The following ZNF385D variants were observed in gnomAD, a reference collection of about 807,000 sequenced individuals.
ZNF385D encodes zinc finger protein 385D.
In ZNF385D, 15 loss-of-function variants were observed where a neutral mutation model predicts 35.8. The ratio of observed to expected loss-of-function variants is 0.42; its 90% CI spans 0.28 to 0.64. The LOEUF (loss-of-function observed/expected upper bound fraction) is 0.64, where lower values mean the gene tolerates loss of function less well. ZNF385D is among the 30% of genes least tolerant of loss of function. The probability of loss-of-function intolerance (pLI) is 0.23; values close to 1 mark genes in which losing one functional copy is unlikely to be tolerated. For synonymous variants in ZNF385D, 212 were observed against 186.8 expected, an observed-to-expected ratio of 1.13 and a Z score of -1.10; for missense variants, 474 against 494.6, an observed-to-expected ratio of 0.96 and a Z score of 0.39.
chr3:21,800,870 T>A (rs1473039410), intron 3 of ZNF385D, among the ~76,000 whole-genome samples: 1 of 152,154 alleles, frequency 6.6e-6, no homozygotes, highest in South Asian at 2.1e-4. Context: ...TTTCTTTTTC[T>A]TGCCTAATTG....
intron 3 of ZNF385D, among the ~76,000 whole-genome samples, chr3:21,807,879 CAA>C (rs2072724566): frequency 6.6e-6 from 1 of 152,256 alleles, no homozygotes; most frequent in Non-Finnish European, 1.5e-5. Flanking sequence ...ACCCTAAATT[CAA>C]AGTCTGCATT....
chr3:21,709,790 C>G (rs1046926130), intron 1 of ZNF385D, among the ~76,000 whole-genome samples: 2 of 152,014 alleles, frequency 1.3e-5, no homozygotes, highest in African/African-American at 4.8e-5. Flanking sequence ...CTCAGCTGTC[C>G]CACTCCTAGG....
At chr3:21,522,064 C>T (rs1414823436) in intron 3 of ZNF385D, among the ~76,000 whole-genome samples, 2 of 152,046 alleles carry the variant, frequency 1.3e-5, no homozygotes, top group Non-Finnish European at 2.9e-5. Context: ...TAAATCAATT[C>T]GGTGCCCTGG....
intron 3 of ZNF385D, among the ~76,000 whole-genome samples, chr3:21,793,883 G>C (rs974614120): frequency 1.3e-5 from 2 of 152,134 alleles, no homozygotes; most frequent in African/African-American, 4.8e-5. Flanking sequence ...CAGATTTCTA[G>C]ACCTTCTCTT....
intron 3 of ZNF385D, among the ~76,000 whole-genome samples, chr3:21,531,134 A>T (rs536080623): frequency 6.6e-6 from 1 of 152,216 alleles, no homozygotes; most frequent in Non-Finnish European, 1.5e-5. Context: ...GGTACAGATT[A>T]TGATACTTTT....
At chr3:21,576,878 A>T (rs973050779) in intron 2 of ZNF385D, among the ~76,000 whole-genome samples, 1 of 152,178 alleles carries the variant, frequency 6.6e-6, no homozygotes. Flanking sequence ...TATTATTTTT[A>T]ATTGATACAT....
chr3:21,977,498 G>A (rs1703705816), intron 3 of ZNF385D, among the ~76,000 whole-genome samples: 1 of 151,984 alleles, frequency 6.6e-6, no homozygotes, highest in Non-Finnish European at 1.5e-5. Flanking sequence ...AAGATAGGGT[G>A]GGAACTGTGT....
chr3:21,899,255 G>A (rs1699286029), intron 3 of ZNF385D, among the ~76,000 whole-genome samples: 1 of 152,056 alleles, frequency 6.6e-6, no homozygotes, highest in Non-Finnish European at 1.5e-5. Context: ...TAGTGCCACA[G>A]TTGAGAAACC....
chr3:21,814,105 C>A (rs960468013), intron 3 of ZNF385D, among the ~76,000 whole-genome samples: 1 of 152,082 alleles, frequency 6.6e-6, no homozygotes, highest in Non-Finnish European at 1.5e-5. Context: ...AACTAAGCTT[C>A]ATAAGTGAAG....
chr3:21,427,433 A>G (rs1402174390), intron 5 of ZNF385D, among the ~76,000 whole-genome samples: 1 of 152,120 alleles, frequency 6.6e-6, no homozygotes, highest in Non-Finnish European at 1.5e-5. Flanking sequence ...ATCATCTGTG[A>G]TTGGTAGCTG....
Position 21,944,399 on chromosome 3 carries a change from T to C in ZNF385D, c.325+224418A>G, listed in dbSNP as rs183205082. ...TACCCTTTGGGCAGTCAAGCTTTCATAGGGGATGATTCAACTTTGTCCGAG... is the reference window on the plus strand; with the variant it reads ...TACCCTTTGGGCAGTCAAGCTTTCACAGGGGATGATTCAACTTTGTCCGAG... On this transcript the variant is annotated intron_variant, in intron 3 of 5. Coordinates refer to the ZNF385D transcript ENST00000494108. Among the ~76,000 whole-genome samples, 789 of 152,292 alleles carry C rather than the reference T, an allele frequency of 5.2e-3. 4 individuals are homozygous for C. The highest frequency in any genetic ancestry group is 0.034 in the Middle Eastern group (10 of 294).
At chr3:21,797,322 C>T (rs1480140962) in intron 3 of ZNF385D, among the ~76,000 whole-genome samples, 2 of 152,116 alleles carry the variant, frequency 1.3e-5, no homozygotes, top group African/African-American at 4.8e-5. Flanking sequence ...GACCAAAATC[C>T]AGAACACTAA....
chr3:21,816,548 C>T (rs2073157090), intron 3 of ZNF385D, among the ~76,000 whole-genome samples: 1 of 151,828 alleles, frequency 6.6e-6, no homozygotes, highest in African/African-American at 2.4e-5. Flanking sequence ...AGACAGAGAG[C>T]CAAATCATGA....
chr3:21,582,736 GGTT>G (rs2063702948), intron 2 of ZNF385D, among the ~76,000 whole-genome samples: 1 of 151,214 alleles, frequency 6.6e-6, no homozygotes, highest in African/African-American at 2.4e-5. Flanking sequence ...GTCACCTTTT[GGTT>G]GCATTTTTAA....
chr3:21,898,451 A>T (rs533042206), intron 3 of ZNF385D, among the ~76,000 whole-genome samples: 15 of 152,194 alleles, frequency 9.9e-5, no homozygotes, highest in Non-Finnish European at 1.8e-4. Context: ...GTTCATGCAG[A>T]AACTACTTCC....
chr3:22,205,032 C>A (rs1697057892), intron 2 of ZNF385D, among the ~76,000 whole-genome samples: 1 of 145,772 alleles, frequency 6.9e-6, no homozygotes, highest in Non-Finnish European at 1.5e-5. Context: ...TTATAGAACA[C>A]CAAGCAGATT....
intron 3 of ZNF385D, among the ~76,000 whole-genome samples, chr3:22,163,860 G>A (rs777962880): frequency 1.3e-5 from 2 of 152,068 alleles, no homozygotes; most frequent in Non-Finnish European, 2.9e-5. Flanking sequence ...GGAGAAGAAT[G>A]AAAGAATTCC....
At chr3:21,505,221 T>A (rs233164) in intron 4 of ZNF385D, among the ~76,000 whole-genome samples, 28,634 of 151,992 alleles carry the variant, frequency 0.19, 2,769 homozygotes, top group Admixed American at 0.26. Flanking sequence ...TATTGATGCT[T>A]GAAAGCCATC....
intron 2 of ZNF385D, among the ~76,000 whole-genome samples, chr3:22,213,188 G>T (rs1229713605): frequency 6.6e-6 from 1 of 152,036 alleles, no homozygotes; most frequent in Non-Finnish European, 1.5e-5. Flanking sequence ...TCATAGTTTG[G>T]CTTAGAAATA....
Sources: allele counts gnomAD v4.1 joint callset (sites outside exome capture counted in the v4.1 genomes callset), GRCh38; gene constraint gnomAD v4.1.1; transcripts MANE v1.5; gene names NCBI Gene and HGNC (gene_info 2026-07-23, HGNC 2026-07-21).